Variants in PXN observed in about 807,000 individuals in gnomAD.
The protein encoded by PXN is paxillin, also known as testicular tissue protein Li 134.
Under a neutral mutation model 103.6 loss-of-function variants are expected in PXN, and 61 were observed. The observed-to-expected ratio is 0.59, with a 90% CI of 0.48 to 0.73. The LOEUF (loss-of-function observed/expected upper bound fraction) is 0.73, where lower values mean the gene tolerates loss of function less well. Ranked by LOEUF, PXN falls within the 30% of genes least tolerant of loss-of-function variation. The pLI is 0.00. For synonymous variants in PXN, 562 were observed against 607.8 expected (o/e 0.92, Z 1.11); for missense variants, 1,274 against 1,460.3 (o/e 0.87, Z 2.08).
chr12:120,213,870 A>C lies in PXN; in HGVS notation c.2951T>G (p.Leu984Arg). The change falls in exon 14 of 15, where the codon CTG becomes CGG. Residue 984 changes from leucine (L) to arginine (R), a missense_variant. By Grantham distance (102) the Leu-to-Arg change is moderately radical (BLOSUM62 -2). This residue lies in a region of PXN where 96 missense variants were observed against 151.3 expected (regional missense o/e 0.63). Transcript: ENST00000637617. This position sits in a 1 kb window ranked among gnomAD's most constrained non-coding sequence, Gnocchi z 4.2. Reference protein sequence around the residue: ...LENYISALNTLWHPECFVCRE... With the variant: ...LENYISALNTRWHPECFVCRE... Reference sequence around the variant, plus strand: ...GCACACAAAGCACTCAGGATGCCACAGCGTGTTGAGGGCTGAGATATAGTT... The same window carrying C: ...GCACACAAAGCACTCAGGATGCCACCGCGTGTTGAGGGCTGAGATATAGTT... The C allele has an allele frequency of 5.0e-6, 8 of 1,611,598 alleles. No individual in the cohort carries two copies. Among genetic ancestry groups the C allele is most frequent in the Non-Finnish European group, 6.8e-6 (8 of 1,178,920 alleles).
chr12:120,239,221 C>T (rs555162497), intron 1 of PXN, among the ~76,000 whole-genome samples: 32 of 152,078 alleles, frequency 2.1e-4, no homozygotes, highest in South Asian at 1.9e-3. Context: ...CCGAGGCCAA[C>T]GGATCACCTG....
At chr12:120,249,219 A>T (rs1361670905) in intron 1 of PXN, among the ~76,000 whole-genome samples, 1 of 152,184 alleles carries the variant, frequency 6.6e-6, no homozygotes, top group African/African-American at 2.4e-5. Context: ...AGCTCAATAT[A>T]TAAACAGAGA....
chr12:120,212,783 C>T lies in PXN; in HGVS notation c.2980-203G>A. On this transcript the variant is annotated intron_variant, in intron 14 of 14. Transcript: ENST00000637617. The surrounding 1 kb of genome is among the most constrained non-coding windows in gnomAD (Gnocchi z 7.2). ...TTTTTTTGTAGAGATGGGGGTCTCA[C>T]TATATTGCCCATGCTGGTCAAATGT... The T allele has an allele frequency of 1.9e-6, 1 of 529,258 alleles. No homozygotes were observed. Among genetic ancestry groups the T allele is most frequent in the Non-Finnish European group, 3.2e-6 (1 of 312,382 alleles). The allele number at this position is 529,258 out of a possible 1,614,324, so 32.8% of individuals were successfully genotyped here. A position where few individuals can be genotyped will look rare whatever the true frequency, so the allele number is the denominator to read the frequency against.
rs1193703452 is a variant in PXN at position 120,212,398 on chromosome 12, G to A, written c.3162C>T (p.Cys1054=). 1 of 1,613,888 alleles carries A rather than the reference G, an allele frequency of 6.2e-7. No homozygotes were observed. Among genetic ancestry groups the A allele is most frequent in the African/African-American group, 1.3e-5 (1 of 74,912 alleles). The change falls in exon 15 of 15, where the codon TGC becomes TGT. Residue 1054 remains cysteine, a synonymous_variant. Coordinates refer to ENST00000637617, the MANE Select transcript of PXN (RefSeq NM_001385981.1). The surrounding 1 kb of genome is among the most constrained non-coding windows in gnomAD (Gnocchi z 7.2). ...FHPEHFVCAF[C]LKQLNKGTFK... Reference sequence around the variant, plus strand: ...AGGTGCCCTTGTTGAGCTGCTTGAGGCAGAAGGCACAGACGAAGTGCTCGG... The same window carrying A: ...AGGTGCCCTTGTTGAGCTGCTTGAGACAGAAGGCACAGACGAAGTGCTCGG...
At chr12:120,251,780 G>C (rs980008771) in intron 1 of PXN, among the ~76,000 whole-genome samples, 1 of 152,154 alleles carries the variant, frequency 6.6e-6, no homozygotes, top group East Asian at 1.9e-4. Context: ...TTGTGCCACT[G>C]TACTCCAGCC....
intron 1 of PXN, among the ~76,000 whole-genome samples, chr12:120,234,752 T>C (rs1036085405): frequency 4.4e-4 from 67 of 152,232 alleles, no homozygotes; most frequent in Middle Eastern, 3.4e-3. Flanking sequence ...CAGTGAGTAA[T>C]GGATGAAAAA....
rs1392547620 is a variant in PXN, at chr12:120,229,883, C to T, written c.14-5506G>A. Among the ~76,000 whole-genome samples the T allele has an allele frequency of 6.6e-6, 1 of 152,132 alleles. No homozygotes were observed. The highest frequency in any genetic ancestry group is 1.5e-5 in the Non-Finnish European group (1 of 68,028). ...GAGTTTACAGGCTGCCCTGCCACAC[C>T]AGCCCCAGCGCCAGGGCCCCGTGGT... On this transcript the variant is annotated intron_variant, in intron 1 of 14. Coordinates refer to ENST00000637617, the MANE Select transcript of PXN (RefSeq NM_001385981.1). This position sits in a 1 kb window ranked among gnomAD's most constrained non-coding sequence, Gnocchi z 4.0.
chr12:120,236,074 A>C (rs1429481843), intron 1 of PXN, among the ~76,000 whole-genome samples: 4 of 152,206 alleles, frequency 2.6e-5, no homozygotes, highest in Admixed American at 2.6e-4. Flanking sequence ...GTCTCACCCA[A>C]GCACTTTTCC....
intron 1 of PXN, among the ~76,000 whole-genome samples, chr12:120,251,900 T>G (rs548938100): frequency 4.7e-4 from 72 of 152,228 alleles, no homozygotes; most frequent in Non-Finnish European, 6.0e-4. Flanking sequence ...TTGTCAAGAT[T>G]ATCCCAAGAA....
At chr12:120,239,742 C>A (rs1889820572) in intron 1 of PXN, among the ~76,000 whole-genome samples, 1 of 152,126 alleles carries the variant, frequency 6.6e-6, no homozygotes, top group Admixed American at 6.5e-5. Flanking sequence ...CAGAGCGAGA[C>A]TCTGTCTCAG....
chr12:120,251,440 ATG>A (rs1455983308), intron 1 of PXN, among the ~76,000 whole-genome samples: 6 of 144,286 alleles, frequency 4.2e-5, no homozygotes, highest in South Asian at 2.2e-4. Context: ...TCACTTGAAC[ATG>A]GGAGGTGGAG....
chr12:120,212,777 G>T lies in PXN; in HGVS notation c.2980-197C>A. ...ATAAATTTTTTTTGTAGAGATGGGG[G>T]TCTCACTATATTGCCCATGCTGGTC... On this transcript the variant is annotated intron_variant, in intron 14 of 14. Transcript: ENST00000637617. The surrounding 1 kb of genome is among the most constrained non-coding windows in gnomAD (Gnocchi z 7.2). The T allele has an allele frequency of 1.8e-6, 1 of 565,418 alleles. No homozygotes were observed. Among genetic ancestry groups the T allele is most frequent in the Non-Finnish European group, 2.9e-6 (1 of 340,192 alleles). The allele number at this position is 565,418 out of a possible 1,614,324, so 35.0% of individuals were successfully genotyped here.
chr12:120,237,457 C>G (rs976794551), intron 1 of PXN, among the ~76,000 whole-genome samples: 1 of 152,072 alleles, frequency 6.6e-6, no homozygotes, highest in East Asian at 1.9e-4. Flanking sequence ...ACCATCAGCC[C>G]CACCCGCATG....
At position 120,228,400 on chromosome 12, in the gene PXN, G is replaced by C. The variant is rs971541214; in HGVS notation, c.14-4023C>G. 6.6e-6 allele frequency among the ~76,000 whole-genome samples: 1 copy of C among 152,216 alleles called. No homozygotes were observed. Among genetic ancestry groups the C allele is most frequent in the Non-Finnish European group, 1.5e-5 (1 of 68,040 alleles). On this transcript the variant is annotated intron_variant, in intron 1 of 14. Coordinates refer to ENST00000637617, the MANE Select transcript of PXN (RefSeq NM_001385981.1). This position sits in a 1 kb window ranked among gnomAD's most constrained non-coding sequence, Gnocchi z 4.7. ...ATGAGGAGGTAGGCCAGGCTGTCTC[G>C]AGGCTGAGGGCAGGCTAGGTGCAAA...
At chr12:120,251,689 C>T (rs1356416390) in intron 1 of PXN, among the ~76,000 whole-genome samples, 1 of 147,476 alleles carries the variant, frequency 6.8e-6, no homozygotes, top group African/African-American at 2.5e-5. Context: ...TGGTCGTGGG[C>T]GCCTGTAATC....
At chr12:120,240,946 CCA>C (rs1362316015) in intron 1 of PXN, among the ~76,000 whole-genome samples, 2 of 152,148 alleles carry the variant, frequency 1.3e-5, no homozygotes, top group Non-Finnish European at 2.9e-5. Flanking sequence ...CAAAAGTATT[CCA>C]CATTCTCTTT....
rs1216059961 is a variant in PXN, at chr12:120,216,030, C to A, written c.2301+243G>T. 2 of 1,328,150 alleles carry A rather than the reference C, an allele frequency of 1.5e-6. No homozygotes were observed. Among genetic ancestry groups the A allele is most frequent in the Non-Finnish European group, 1.9e-6 (2 of 1,040,726 alleles). The allele number at this position is 1,328,150 out of a possible 1,614,324, so 82.3% of individuals were successfully genotyped here. On this transcript the variant is annotated intron_variant, in intron 9 of 14. Coordinates refer to ENST00000637617, the MANE Select transcript of PXN (RefSeq NM_001385981.1). The surrounding 1 kb of genome is among the most constrained non-coding windows in gnomAD (Gnocchi z 5.1). Reference sequence around the variant, plus strand: ...TGGGAGCCCGGGGCAGTACTGAGGACCAGTCGAGGAAGGAGCAGACATGGG... The same window carrying A: ...TGGGAGCCCGGGGCAGTACTGAGGAACAGTCGAGGAAGGAGCAGACATGGG...
chr12:120,256,708 G>GT (rs112444122), intron 1 of PXN, among the ~76,000 whole-genome samples: 88 of 151,332 alleles, frequency 5.8e-4, no homozygotes, highest in African/African-American at 1.2e-3. Flanking sequence ...TTTCAATAGG[G>GT]TTTTTTTTTG....
chr12:120,260,645 A>T (rs1056671523), intron 1 of PXN, among the ~76,000 whole-genome samples: 2 of 152,210 alleles, frequency 1.3e-5, no homozygotes, highest in African/African-American at 4.8e-5. Flanking sequence ...TGGGCAACCC[A>T]TATCAGATGC....
Sources: gnomAD v4.1 joint callset for allele counts (sites outside exome capture counted in the v4.1 genomes callset) on GRCh38, gnomAD v4.1.1 for gene constraint, gnomAD v4.1.1 regional missense constraint, Gnocchi (gnomAD v3.1) non-coding constraint, MANE v1.5 for transcripts, NCBI Gene and HGNC (gene_info 2026-07-23, HGNC 2026-07-21) for gene names.